The following PCDHGA2 variants were observed in gnomAD, a reference collection of about 807,000 sequenced individuals.
PCDHGA2 encodes protocadherin gamma subfamily A, 2.
Under a neutral mutation model 59.2 loss-of-function variants are expected in PCDHGA2, and 40 were observed. The ratio of observed to expected loss-of-function variants is 0.68; its 90% CI spans 0.52 to 0.88. The LOEUF is 0.88. PCDHGA2 is among the 40% of genes least tolerant of loss of function. The pLI is 0.00. For synonymous variants in PCDHGA2, 560 were observed against 526.0 expected, an observed-to-expected ratio of 1.06 and a Z score of -0.89; for missense variants, 1,226 against 1,204.0, an observed-to-expected ratio of 1.02 and a Z score of -0.27.
At chr5:141,471,743 C>T (rs769600930) in intron 1 of PCDHGA2, among the ~76,000 whole-genome samples, 2 of 152,142 alleles carry the variant, frequency 1.3e-5, no homozygotes, top group Non-Finnish European at 2.9e-5. Flanking sequence ...GGAGACATAA[C>T]ATATTTGAGG....
intron 1 of PCDHGA2, chr5:141,356,076 T>G (rs772050180): frequency 1.2e-6 from 2 of 1,613,914 alleles, no homozygotes; most frequent in South Asian, 2.2e-5. Flanking sequence ...CACAGCTATT[T>G]CAGTTGAATT....
At chr5:141,364,454 G>A (rs1162340616) in intron 1 of PCDHGA2, 3 of 1,613,884 alleles carry the variant, frequency 1.9e-6, no homozygotes, top group East Asian at 4.5e-5. Flanking sequence ...GCTGGACAAA[G>A]GCTCCTTCGT....
In PCDHGA2 at chr5:141,344,635, A is replaced by G; in HGVS notation, c.2424+3240A>G. 1.2e-6 allele frequency: 2 copies of G among 1,613,952 alleles called. 1 individual carries two copies. The highest frequency in any genetic ancestry group is 3.3e-4 in the Middle Eastern group (2 of 6,062). ...GAGCTGGTGCTGGAGCGGGCCCTGG[A>G]CCGTGAGAAAAAAGAAATTCACCAG... On this transcript the variant is annotated intron_variant, in intron 1 of 3. Transcript: ENST00000394576.
At chr5:141,460,435 A>G (rs1002182353) in intron 1 of PCDHGA2, among the ~76,000 whole-genome samples, 1 of 152,144 alleles carries the variant, frequency 6.6e-6, no homozygotes, top group Admixed American at 6.6e-5. Context: ...GTATGGTGTG[A>G]GGTAACAATG....
chr5:141,410,184 A>AT, intron 1 of PCDHGA2: 1 of 1,613,918 alleles, frequency 6.2e-7, no homozygotes, highest in Non-Finnish European at 8.5e-7. Context: ...GCCACGCTTC[A>AT]TCTGGTCTTC....
chr5:141,378,356 C>G (rs1244158802), intron 1 of PCDHGA2: 2 of 152,218 alleles, frequency 1.3e-5, no homozygotes, highest in African/African-American at 4.8e-5. Flanking sequence ...AACCCCGTCT[C>G]TACTAAAAAT....
chr5:141,406,528 TGAC>T (rs1369720853), intron 1 of PCDHGA2, among the ~76,000 whole-genome samples: 4 of 152,246 alleles, frequency 2.6e-5, no homozygotes, highest in Non-Finnish European at 5.9e-5. Context: ...AGATATTTTC[TGAC>T]GAAGATTCAA....
chr5:141,482,429 A>G (rs955366858), intron 1 of PCDHGA2, among the ~76,000 whole-genome samples: 1 of 151,366 alleles, frequency 6.6e-6, no homozygotes, highest in African/African-American at 2.4e-5. Flanking sequence ...AAAAATGATA[A>G]TACTGATATT....
Position 141,375,503 on chromosome 5 carries a change from G to A in PCDHGA2, c.2424+34108G>A. 1.5e-5 allele frequency: 24 copies of A among 1,613,982 alleles called. 1 individual carries two copies. The highest frequency in any genetic ancestry group is 2.0e-5 in the Non-Finnish European group (24 of 1,179,940). On this transcript the variant is annotated intron_variant, in intron 1 of 3. Transcript: ENST00000394576. ...CCCCAGGGGTGCCTCCATCTTCTCT[G>A]TGAATGCACTGGACCCTGACGTGGA...
chr5:141,451,116 CCA>C (rs1257364243), intron 1 of PCDHGA2, among the ~76,000 whole-genome samples: 1 of 152,200 alleles, frequency 6.6e-6, no homozygotes, highest in Non-Finnish European at 1.5e-5. Context: ...GCGTGAGCCA[CCA>C]CACCCAGCCT....
At chr5:141,463,738 G>A (rs1002263384) in intron 1 of PCDHGA2, among the ~76,000 whole-genome samples, 4 of 151,978 alleles carry the variant, frequency 2.6e-5, no homozygotes, top group Admixed American at 2.6e-4. Flanking sequence ...GAGCCACCGC[G>A]CCCGGCCTGC....
rs759742074 is a variant in PCDHGA2 at position 141,403,012 on chromosome 5, G to T, written c.2424+61617G>T. On this transcript the variant is annotated intron_variant, in intron 1 of 3. Transcript: ENST00000394576. ...GATTAGTCCTGCTATGCTCGCTCCT[G>T]GGGATGCTATGGGAGGCCAGGGCCA... 8.1e-6 allele frequency: 13 copies of T among 1,614,072 alleles called. 1 individual carries two copies. The South Asian group carries it at 1.4e-4, about 18-fold the overall frequency.
chr5:141,360,157 T>A (rs185682995), intron 1 of PCDHGA2: 3 of 1,603,412 alleles, frequency 1.9e-6, no homozygotes, highest in African/African-American at 1.3e-5. Flanking sequence ...CTCAGGGAGG[T>A]GCGGGCTGGT....
At chr5:141,381,977 G>T (rs61025717) in intron 1 of PCDHGA2, among the ~76,000 whole-genome samples, 22 of 151,370 alleles carry the variant, frequency 1.5e-4, no homozygotes, top group African/African-American at 5.3e-4. Context: ...TTACAGGCGC[G>T]CGCCACCACG....
intron 1 of PCDHGA2, chr5:141,428,207 T>G (rs1213295979): frequency 7.6e-7 from 1 of 1,308,340 alleles, no homozygotes; most frequent in African/African-American, 1.4e-5. Context: ...GCCGCTACGC[T>G]TCACCTAGTC....
At chr5:141,367,537 A>AAAGT (rs373624904) in intron 1 of PCDHGA2, 2,027 of 147,518 alleles carry the variant, frequency 0.014, 47 homozygotes, top group African/African-American at 0.049. Flanking sequence ...ACTCCGTCTC[A>AAAGT]AAATAAATAA....
At chr5:141,470,025 A>T (rs2099219670) in intron 1 of PCDHGA2, among the ~76,000 whole-genome samples, 1 of 152,156 alleles carries the variant, frequency 6.6e-6, no homozygotes, top group African/African-American at 2.4e-5. Context: ...GCTACTCGGG[A>T]TGCTGAGGCG....
chr5:141,385,482 A>G, intron 1 of PCDHGA2: 3 of 1,423,440 alleles, frequency 2.1e-6, no homozygotes, highest in South Asian at 1.6e-5. Context: ...TTTAATATAG[A>G]ACACATAGGA....
At chr5:141,444,178 TTTTTTTTTTTG>T in intron 1 of PCDHGA2, among the ~76,000 whole-genome samples, 1 of 134,050 alleles carries the variant, frequency 7.5e-6, no homozygotes, top group Admixed American at 7.5e-5. Flanking sequence ...TTTTTTTTTT[TTTTTTTTTTTG>T]AGATGGAGTT....
Sources: gnomAD v4.1 joint callset for allele counts (sites outside exome capture counted in the v4.1 genomes callset) on GRCh38, gnomAD v4.1.1 for gene constraint, MANE v1.5 for transcripts, NCBI Gene and HGNC (gene_info 2026-07-23, HGNC 2026-07-21) for gene names.